TRIM24: variants seen among roughly 807,000 people sequenced by gnomAD.
TRIM24 encodes the protein tripartite motif containing 24.
TRIM24 carries 29 observed loss-of-function variants against 123.9 expected under a neutral mutation model. The ratio of observed to expected loss-of-function variants is 0.23; its 90% confidence interval spans 0.17 to 0.32. The LOEUF is 0.32. Ranked by LOEUF, TRIM24 falls within the 10% of genes least tolerant of loss-of-function variation. The pLI is 1.00. For missense variants in TRIM24, 932 were observed against 1,295.3 expected (o/e 0.72, Z 4.31); for synonymous variants, 456 against 461.1 (o/e 0.99, Z 0.14).
chr7:138,495,482 C>T (rs1445497185), intron 1 of TRIM24, among the ~76,000 whole-genome samples: 2 of 152,078 alleles, frequency 1.3e-5, no homozygotes, highest in Admixed American at 6.6e-5. Flanking sequence ...TTCTGACTTA[C>T]ATTGTAGCTG....
chr7:138,516,819 T>G (rs909660326), intron 3 of TRIM24, among the ~76,000 whole-genome samples: 8 of 151,704 alleles, frequency 5.3e-5, no homozygotes, highest in East Asian at 1.9e-4. Flanking sequence ...TTTTGTTTTT[T>G]TTTTTTTTTT....
At chr7:138,565,069 C>A (rs1382034973) in intron 9 of TRIM24, among the ~76,000 whole-genome samples, 1 of 152,146 alleles carries the variant, frequency 6.6e-6, no homozygotes, top group Non-Finnish European at 1.5e-5. Flanking sequence ...TAGTCCCGGT[C>A]AGTCCCATGG....
chr7:138,555,482 ATTTT>A (rs1203577540), intron 9 of TRIM24, among the ~76,000 whole-genome samples: 1 of 138,512 alleles, frequency 7.2e-6, no homozygotes, highest in African/African-American at 2.7e-5. Context: ...CTATAATCCA[ATTTT>A]TTTTTTTTTT....
chr7:138,553,601 G>A (rs1166924432), intron 8 of TRIM24, among the ~76,000 whole-genome samples: 2 of 152,092 alleles, frequency 1.3e-5, no homozygotes, highest in African/African-American at 4.8e-5. Flanking sequence ...AATGTATTCT[G>A]TATCAAAAAG....
At chr7:138,527,837 C>T (rs770710083) in intron 5 of TRIM24, among the ~76,000 whole-genome samples, 15 of 152,152 alleles carry the variant, frequency 9.9e-5, no homozygotes, top group Non-Finnish European at 2.2e-4. Flanking sequence ...TTATTGAGTG[C>T]ACTCATACCC....
At chr7:138,508,686 T>TGCGCGCGCGCGC (rs1168887347) in intron 2 of TRIM24, among the ~76,000 whole-genome samples, 8 of 85,946 alleles carry the variant, frequency 9.3e-5, no homozygotes, top group Non-Finnish European at 1.7e-4. Context: ...TGTGTGTGTG[T>TGCGCGCGCGCGC]GTGTGTGCGC....
At chr7:138,577,107 C>G (rs192303219) in intron 13 of TRIM24, among the ~76,000 whole-genome samples, 12 of 152,286 alleles carry the variant, frequency 7.9e-5, no homozygotes, top group Non-Finnish European at 1.5e-4. Context: ...AATGAGAAAG[C>G]CTAAAATCAG....
At chr7:138,563,941 G>A (rs549693242) in intron 9 of TRIM24, among the ~76,000 whole-genome samples, 3 of 152,300 alleles carry the variant, frequency 2.0e-5, no homozygotes, top group East Asian at 3.9e-4. Context: ...ATGCCTGAAC[G>A]TTAAGTGTGC....
At chr7:138,461,159 G>A (rs1170981930) in intron 1 of TRIM24, 2 of 701,036 alleles carry the variant, frequency 2.9e-6, no homozygotes, top group Admixed American at 3.7e-5. Flanking sequence ...CCGCTGCTCC[G>A]CATTCTCAAC....
rs377564831 is a variant in TRIM24, at chr7:138,490,755, G to T, written c.365-13535G>T. Reference sequence around the variant, plus strand: ...TCTACTGAAAACATCATGGAGAGGAGAAATAGATTGGCAAGCCTTTTCTAT... The same window carrying T: ...TCTACTGAAAACATCATGGAGAGGATAAATAGATTGGCAAGCCTTTTCTAT... On this transcript the variant is annotated intron_variant, in intron 1 of 18. Transcript: ENST00000343526. The T allele has an allele frequency of 2.4e-5, 12 of 496,582 alleles. 1 individual carries two copies. Among genetic ancestry groups the T allele is most frequent in the Non-Finnish European group, 4.7e-5 (12 of 253,212 alleles). 30.8% of individuals were successfully genotyped at this position (496,582 alleles called of 1,614,324 possible). A position where few individuals can be genotyped will look rare whatever the true frequency, so the allele number is the denominator to read the frequency against.
intron 1 of TRIM24, among the ~76,000 whole-genome samples, chr7:138,474,524 T>G (rs1795355542): frequency 6.6e-6 from 1 of 152,230 alleles, no homozygotes; most frequent in Non-Finnish European, 1.5e-5. Context: ...TGTGCCATAT[T>G]TAAGAAATCT....
chr7:138,530,538 C>G (rs557612136), intron 6 of TRIM24, among the ~76,000 whole-genome samples: 29 of 152,172 alleles, frequency 1.9e-4, no homozygotes, highest in African/African-American at 7.0e-4. Context: ...TGAATCACGG[C>G]TCACTACAGC....
intron 9 of TRIM24, among the ~76,000 whole-genome samples, chr7:138,561,008 C>T (rs1324710185): frequency 6.6e-6 from 1 of 152,156 alleles, no homozygotes; most frequent in African/African-American, 2.4e-5. Context: ...AGGAGTTCTT[C>T]CTCGTACTTT....
intron 6 of TRIM24, among the ~76,000 whole-genome samples, chr7:138,531,399 G>C (rs891695459): frequency 7.4e-6 from 1 of 134,604 alleles, no homozygotes; most frequent in African/African-American, 3.0e-5. Context: ...CCCGGTGTGT[G>C]ATGCTCCCCT....
chr7:138,482,163 GTC>G, intron 1 of TRIM24, among the ~76,000 whole-genome samples: 1 of 151,978 alleles, frequency 6.6e-6, no homozygotes, highest in South Asian at 2.1e-4. Context: ...GCCCAATTTG[GTC>G]TCGTACTCCT....
chr7:138,496,557 GT>G (rs1795909912), intron 1 of TRIM24, among the ~76,000 whole-genome samples: 1 of 152,092 alleles, frequency 6.6e-6, no homozygotes, highest in African/African-American at 2.4e-5. Flanking sequence ...TTAGCTGTAG[GT>G]TTTTCAGAGA....
rs577326738 is a variant in TRIM24, at chr7:138,500,487, C to T, written c.365-3803C>T. On this transcript the variant is annotated intron_variant, in intron 1 of 18. Coordinates refer to ENST00000343526, the MANE Select transcript of TRIM24 (RefSeq NM_015905.3). ...CTGAAGTGGGAGAATCACCTGAGCC[C>T]GAGAGGTGGAGGCTACAGTGAGCCA... Among the ~76,000 whole-genome samples the T allele has an allele frequency of 3.4e-5, 5 of 149,132 alleles. No individual in the cohort carries two copies. In the East Asian group the frequency reaches 5.9e-4, roughly 18 times the overall value.
chr7:138,545,576 T>G, intron 7 of TRIM24: 1 of 455,418 alleles, frequency 2.2e-6, no homozygotes, highest in African/African-American at 2.0e-5. Flanking sequence ...ATTCTTGGAC[T>G]CAGATCTAGC....
At chr7:138,519,343 T>C (rs1563043574) in intron 4 of TRIM24, 22 bp downstream of exon 4, 3 of 1,578,242 alleles carry the variant, frequency 1.9e-6, no homozygotes, top group Non-Finnish European at 2.6e-6. Flanking sequence ...TTTGGTTATA[T>C]ATATAGATTC....
Sources: allele counts gnomAD v4.1 joint callset (sites outside exome capture counted in the v4.1 genomes callset), GRCh38; gene constraint gnomAD v4.1.1; transcripts MANE v1.5; gene names NCBI Gene and HGNC (gene_info 2026-07-23, HGNC 2026-07-21).